The following SVIL variants were observed in gnomAD, a reference collection of about 807,000 sequenced individuals.
SVIL encodes supervillin, also known as archvillin.
Under a neutral mutation model 240.4 loss-of-function variants are expected in SVIL, and 101 were observed. The observed-to-expected ratio is 0.42, with a 90% CI of 0.36 to 0.50. The LOEUF is 0.50. Among genes scored for constraint, SVIL ranks in the 20% least tolerant of loss-of-function variants. The probability of loss-of-function intolerance (pLI) is 0.01; values close to 1 mark genes in which losing one functional copy is unlikely to be tolerated. For synonymous variants in SVIL, 999 were observed against 1,100.0 expected, an observed-to-expected ratio of 0.91 and a Z score of 1.82; for missense variants, 2,512 against 2,818.7, an observed-to-expected ratio of 0.89 and a Z score of 2.46.
In SVIL at chr10:29,480,547, C is replaced by T; in HGVS notation, c.5367G>A (p.Val1789=). 1.2e-6 allele frequency: 2 copies of T among 1,612,658 alleles called. No homozygotes were observed. The highest frequency in any genetic ancestry group is 1.7e-6 in the Non-Finnish European group (2 of 1,179,626). ...CAAGCGCTCACTAACCTGCCGTGCT[C>T]ACCATGAACTTCCACTTGACCACAT... The part of the protein sequence containing the change: ...DAYVVKWKFM[V]STAVGSRQKG... The change falls in exon 29 of 38, where the codon GTG becomes GTA. Residue 1789 remains valine (V), a synonymous_variant. Coordinates refer to ENST00000355867, the MANE Select transcript of SVIL (RefSeq NM_021738.3).
intron 17 of SVIL, chr10:29,507,849 GAGA>G (rs1396928540): frequency 1.5e-5 from 14 of 932,076 alleles, no homozygotes; most frequent in African/African-American, 3.6e-5. Context: ...AAGGTGAAAA[GAGA>G]AGATTTATCA....
intron 31 of SVIL, among the ~76,000 whole-genome samples, chr10:29,470,812 G>C (rs991933590): frequency 3.3e-5 from 5 of 152,008 alleles, no homozygotes; most frequent in African/African-American, 9.7e-5. Flanking sequence ...AGATTTTTTT[G>C]GGGGGTGGGG....
chr10:29,507,821 A>G, intron 17 of SVIL: 1 of 983,076 alleles, frequency 1.0e-6, no homozygotes, highest in Non-Finnish European at 1.2e-6. Flanking sequence ...GTTCCTACAG[A>G]GCAAAGCAAG....
At chr10:29,567,071 T>G (rs2478099) in intron 2 of SVIL, among the ~76,000 whole-genome samples, 4 of 152,220 alleles carry the variant, frequency 2.6e-5, no homozygotes, top group African/African-American at 7.2e-5. Flanking sequence ...CCAACTCTCT[T>G]TGTCTCCCCT....
intron 1 of SVIL, among the ~76,000 whole-genome samples, chr10:29,725,045 A>AT (rs1471552213): frequency 6.6e-6 from 1 of 150,878 alleles, no homozygotes; most frequent in South Asian, 2.1e-4. Flanking sequence ...AAAAAAAAAA[A>AT]AAAAAAAAGC....
intron 1 of SVIL, among the ~76,000 whole-genome samples, chr10:29,707,550 A>G (rs1412819169): frequency 6.6e-6 from 1 of 152,174 alleles, no homozygotes; most frequent in Admixed American, 6.5e-5. Flanking sequence ...CCAAATTTCT[A>G]TTAATTCCTA....
chr10:29,461,293 C>T (rs1013004242), intron 36 of SVIL, among the ~76,000 whole-genome samples: 32 of 152,158 alleles, frequency 2.1e-4, no homozygotes, highest in African/African-American at 7.7e-4. Context: ...TTTCACGAAA[C>T]CACAGTTGCA....
At chr10:29,522,300 A>G in intron 16 of SVIL, 110 bp downstream of exon 16, 1 of 1,056,944 alleles carries the variant, frequency 9.5e-7, no homozygotes, top group South Asian at 1.5e-5. Context: ...GTCCTGTTAG[A>G]AGCTGAATGT....
At chr10:29,684,519 T>C (rs1378815785) in intron 2 of SVIL, among the ~76,000 whole-genome samples, 1 of 152,204 alleles carries the variant, frequency 6.6e-6, no homozygotes, top group African/African-American at 2.4e-5. Context: ...GTTAAGTTAT[T>C]GTCTAAAGAC....
chr10:29,471,249 G>A lies in SVIL; in HGVS notation c.5530-6C>T, dbSNP rs775102581. On this transcript the variant is annotated splice_region_variant and splice_polypyrimidine_tract_variant and intron_variant, in intron 30 of 37. Transcript: ENST00000355867. ...TTTCCCTGGAGAACCTGGACCTTCC[G>A]ATTTAAACAGAGGTAAATAGGTAAG... 31 of 1,604,758 alleles carry A rather than the reference G, an allele frequency of 1.9e-5. No homozygotes were observed. The highest frequency in any genetic ancestry group is 6.7e-5 in the Admixed American group (4 of 59,582).
Position 29,551,070 on chromosome 10 carries a change from C to T in SVIL, c.354G>A (p.Glu118=). 6.2e-7 allele frequency: 1 copy of T among 1,614,184 alleles called. No homozygotes were observed. The highest frequency in any genetic ancestry group is 8.5e-7 in the Non-Finnish European group (1 of 1,180,022). Residue 118 remains glutamate, a synonymous_variant, in exon 6 of 38, where the codon GAG becomes GAA. Transcript: ENST00000355867. ...YKAERRRQLA[E]KYGLTLDPEA... Reference sequence around the variant, plus strand: ...CGGGATCCAGAGTCAGCCCATACTTCTCTGCCAGCTGTCGCCTTCTTTCTG... The same window carrying T: ...CGGGATCCAGAGTCAGCCCATACTTTTCTGCCAGCTGTCGCCTTCTTTCTG...
At chr10:29,527,088 C>G in intron 12 of SVIL, 32 bp from the exon 13 acceptor site, 2 of 1,576,790 alleles carry the variant, frequency 1.3e-6, no homozygotes, top group Non-Finnish European at 1.7e-6. Context: ...AGGAAACATT[C>G]ATAAGGAGAG....
chr10:29,651,479 C>A (rs914724181), intron 3 of SVIL, among the ~76,000 whole-genome samples: 1 of 152,130 alleles, frequency 6.6e-6, no homozygotes, highest in African/African-American at 2.4e-5. Context: ...GACTACCTCT[C>A]GGTAGGACTT....
At chr10:29,646,111 T>A (rs1445975470) in intron 3 of SVIL, among the ~76,000 whole-genome samples, 1 of 152,192 alleles carries the variant, frequency 6.6e-6, no homozygotes, top group Non-Finnish European at 1.5e-5. Flanking sequence ...AAGTGCTCGA[T>A]AAATATTTCT....
At chr10:29,477,725 C>T (rs919055224) in intron 29 of SVIL, among the ~76,000 whole-genome samples, 31 of 152,306 alleles carry the variant, frequency 2.0e-4, no homozygotes, top group African/African-American at 7.5e-4. Context: ...CTGAATGCTC[C>T]CTGCTTTAAC....
chr10:29,704,454 C>T (rs76293584), intron 1 of SVIL, among the ~76,000 whole-genome samples: 2 of 152,032 alleles, frequency 1.3e-5, no homozygotes, highest in South Asian at 4.2e-4. Flanking sequence ...TAGAGATAGG[C>T]TCTCACTACA....
At chr10:29,600,824 G>T (rs577946353) in intron 1 of SVIL, among the ~76,000 whole-genome samples, 4 of 152,262 alleles carry the variant, frequency 2.6e-5, no homozygotes, top group African/African-American at 9.6e-5. Flanking sequence ...CCCCACAATG[G>T]CATCTCTCTT....
At chr10:29,697,114 G>A (rs1390749074) in intron 1 of SVIL, among the ~76,000 whole-genome samples, 8 of 117,334 alleles carry the variant, frequency 6.8e-5, no homozygotes, top group African/African-American at 1.3e-4. Flanking sequence ...CCCTCTGCCC[G>A]GCCAGCCGCT....
Position 29,524,512 on chromosome 10 carries a change from C to T in SVIL, c.2546G>A (p.Arg849His), listed in dbSNP as rs960355497. 13 of 1,614,056 alleles carry T rather than the reference C, an allele frequency of 8.1e-6. No individual in the cohort carries two copies. The highest frequency in any genetic ancestry group is 2.2e-5 in the South Asian group (2 of 91,088). Residue 849 changes from arginine (R) to histidine (H), a missense_variant, in exon 14 of 38, where the codon CGC becomes CAC. By Grantham distance (29) the Arg-to-His change is conservative. This residue lies in a region of SVIL where 1,443 missense variants were observed against 1,486.6 expected (regional missense o/e 0.97). Coordinates refer to ENST00000355867, the MANE Select transcript of SVIL (RefSeq NM_021738.3). ...CAGTGTGACTGGCTGAGTTTGATAGCGAGCGTTCATTCTCCTCTGTCTCGT... is the reference window on the plus strand; with the variant it reads ...CAGTGTGACTGGCTGAGTTTGATAGTGAGCGTTCATTCTCCTCTGTCTCGT... ...IDTRQRRMNA[R>H]YQTQPVTLGE...
Sources: gnomAD v4.1 joint callset for allele counts (sites outside exome capture counted in the v4.1 genomes callset) on GRCh38, gnomAD v4.1.1 for gene constraint, gnomAD v4.1.1 regional missense constraint, MANE v1.5 for transcripts, NCBI Gene and HGNC (gene_info 2026-07-23, HGNC 2026-07-21) for gene names.